The following NCBP1 variants were observed in gnomAD, a reference collection of about 807,000 sequenced individuals.
NCBP1 encodes nuclear cap binding protein subunit 1.
In NCBP1, 16 loss-of-function variants were observed where a neutral mutation model predicts 111.7. That is an observed-to-expected ratio of 0.14 (90% CI 0.10 to 0.22). NCBP1 has a LOEUF of 0.22. Among genes scored for constraint, NCBP1 ranks in the 10% least tolerant of loss-of-function variants. The probability of loss-of-function intolerance (pLI) is 1.00; values close to 1 mark genes in which losing one functional copy is unlikely to be tolerated. For missense variants in NCBP1, 607 were observed against 957.5 expected, an observed-to-expected ratio of 0.63 and a Z score of 4.83; for synonymous variants, 304 against 314.3, an observed-to-expected ratio of 0.97 and a Z score of 0.35.
intron 1 of NCBP1, among the ~76,000 whole-genome samples, chr9:97,637,812 C>T (rs1827090704): frequency 6.6e-6 from 1 of 152,002 alleles, no homozygotes; most frequent in Non-Finnish European, 1.5e-5. Context: ...TTTTGTGGGT[C>T]TAAAATTTCT....
In NCBP1 at chr9:97,645,215, T is replaced by C; in HGVS notation, c.480T>C (p.Asp160=). Residue 160 remains aspartate, a synonymous_variant, in exon 5 of 23, where the codon GAT becomes GAC. Coordinates refer to ENST00000375147, the MANE Select transcript of NCBP1 (RefSeq NM_002486.5). ...TTGTAAGCGTAACTCAGGAAGAAGATGTACCTCAGGTAAGAGAACCCCTCA... is the reference window on the plus strand; with the variant it reads ...TTGTAAGCGTAACTCAGGAAGAAGACGTACCTCAGGTAAGAGAACCCCTCA... The part of the protein sequence containing the change: ...ENFVSVTQEE[D]VPQVRRDWYV... The C allele has an allele frequency of 6.2e-7, 1 of 1,611,264 alleles. No individual in the cohort carries two copies. Among genetic ancestry groups the C allele is most frequent in the Non-Finnish European group, 8.5e-7 (1 of 1,177,626 alleles).
intron 1 of NCBP1, among the ~76,000 whole-genome samples, chr9:97,637,818 T>C (rs1320129955): frequency 6.6e-6 from 1 of 152,208 alleles, no homozygotes. Context: ...GGGTCTAAAA[T>C]TTCTTGTAAG....
intron 5 of NCBP1, 61 bp from the exon 6 acceptor site, chr9:97,645,544 AATAAAT>A (rs1827310299): frequency 1.3e-6 from 2 of 1,485,818 alleles, no homozygotes; most frequent in East Asian, 4.9e-5. Flanking sequence ...TTCATTCAAG[AATAAAT>A]AAAATATGAA....
intron 4 of NCBP1, among the ~76,000 whole-genome samples, chr9:97,644,098 C>T (rs1827270928): frequency 6.6e-6 from 1 of 152,170 alleles, no homozygotes; most frequent in Non-Finnish European, 1.5e-5. Flanking sequence ...TTAAACCTTA[C>T]TAATAATACA....
chr9:97,649,122 G>A (rs1422902890), intron 8 of NCBP1, among the ~76,000 whole-genome samples: 2 of 152,162 alleles, frequency 1.3e-5, no homozygotes, highest in African/African-American at 4.8e-5. Flanking sequence ...GAAAACAAAT[G>A]TTGGAAGTAT....
chr9:97,646,123 T>C (rs1318185657), intron 6 of NCBP1, among the ~76,000 whole-genome samples: 4 of 152,210 alleles, frequency 2.6e-5, no homozygotes, highest in Admixed American at 2.0e-4. Context: ...ATCTGTATTA[T>C]TAACACATTT....
Position 97,639,110 on chromosome 9 carries a change from A to T in NCBP1, c.35-1684A>T, listed in dbSNP as rs557587444. Among the ~76,000 whole-genome samples the T allele has an allele frequency of 5.9e-5, 9 of 152,284 alleles. No homozygotes were observed. In the East Asian group the frequency reaches 1.2e-3, roughly 20 times the overall value. On this transcript the variant is annotated intron_variant, in intron 1 of 22. Transcript: ENST00000375147. ...GTGCCACACATGTCTACAACTTTAC[A>T]CAGGCAGATATCTCCAGGAATAAAT...
chr9:97,647,163 T>C (rs1827366030), intron 6 of NCBP1, among the ~76,000 whole-genome samples: 1 of 152,218 alleles, frequency 6.6e-6, no homozygotes, highest in South Asian at 2.1e-4. Context: ...TGTGCAAATA[T>C]ATTTATGGGG....
intron 10 of NCBP1, among the ~76,000 whole-genome samples, chr9:97,652,641 T>C (rs1435798931): frequency 6.6e-6 from 1 of 152,126 alleles, no homozygotes; most frequent in African/African-American, 2.4e-5. Context: ...ATAGTGTTCA[T>C]GAAAGAGACA....
intron 12 of NCBP1, 38 bp downstream of exon 12, chr9:97,654,982 CT>C: frequency 6.9e-7 from 1 of 1,450,420 alleles, no homozygotes; most frequent in Non-Finnish European, 9.3e-7. Context: ...GAGTTAGCAG[CT>C]TTTACTTCCT....
chr9:97,670,944 G>T (rs555493592), intron 22 of NCBP1, 142 bp from the exon 23 acceptor site: 3 of 485,856 alleles, frequency 6.2e-6, no homozygotes, highest in Non-Finnish European at 1.1e-5. Flanking sequence ...ATTTTCAGGG[G>T]TCCATTGTTC....
intron 22 of NCBP1, chr9:97,669,978 A>G: frequency 2.2e-6 from 1 of 457,662 alleles, no homozygotes. Context: ...GCTGGAGTTC[A>G]GTGACACGAT....
Position 97,645,614 on chromosome 9 carries a change from C to T in NCBP1, c.493C>T (p.Arg165Ter), listed in dbSNP as rs1827311293. 1.2e-6 allele frequency: 2 copies of T among 1,612,556 alleles called. No individual in the cohort carries two copies. The highest frequency in any genetic ancestry group is 1.7e-6 in the Non-Finnish European group (2 of 1,178,998). Residue 165 changes from arginine (R) to a stop codon, truncating the protein, a stop_gained, in exon 6 of 23, where the codon CGA becomes TGA. Coordinates refer to ENST00000375147, the MANE Select transcript of NCBP1 (RefSeq NM_002486.5). LOFTEE classifies it high-confidence loss of function. Reference sequence around the variant, plus strand: ...TAACTTTTTAAAAATCCTTTAGGTGCGACGAGATTGGTATGTGTATGCATT... The same window carrying T: ...TAACTTTTTAAAAATCCTTTAGGTGTGACGAGATTGGTATGTGTATGCATT... The part of the protein sequence containing the change: ...VTQEEDVPQV[R>*]RDWYVYAFLS...
chr9:97,666,637 G>T, intron 19 of NCBP1, 126 bp from the exon 20 acceptor site: 1 of 580,962 alleles, frequency 1.7e-6, no homozygotes. Flanking sequence ...GGAGAAAGAT[G>T]ACTAATTCAG....
intron 9 of NCBP1, 58 bp from the exon 10 acceptor site, chr9:97,651,252 T>A: frequency 7.0e-7 from 1 of 1,433,768 alleles, no homozygotes; most frequent in Non-Finnish European, 9.6e-7. Flanking sequence ...TGAAACTGCT[T>A]ATTTGACTTT....
intron 20 of NCBP1, among the ~76,000 whole-genome samples, chr9:97,668,328 G>C (rs1235098625): frequency 6.6e-6 from 1 of 152,174 alleles, no homozygotes; most frequent in Non-Finnish European, 1.5e-5. Flanking sequence ...AGAGTGAGCT[G>C]GGGGCAGGGA....
intron 14 of NCBP1, among the ~76,000 whole-genome samples, chr9:97,656,408 C>T (rs1325145352): frequency 6.6e-6 from 1 of 152,168 alleles, no homozygotes; most frequent in Admixed American, 6.5e-5. Flanking sequence ...TGGGGAAACC[C>T]CCTCTCTACT....
intron 22 of NCBP1, among the ~76,000 whole-genome samples, 153 bp from the exon 23 acceptor site, chr9:97,670,933 G>T (rs1424273183): frequency 6.6e-6 from 1 of 152,004 alleles, no homozygotes; most frequent in Non-Finnish European, 1.5e-5. Flanking sequence ...TAATGTTGGG[G>T]ATTTTCAGGG....
intron 15 of NCBP1, among the ~76,000 whole-genome samples, chr9:97,659,094 T>C (rs773919126): frequency 2.6e-5 from 4 of 152,258 alleles, no homozygotes; most frequent in Admixed American, 6.5e-5. Context: ...ATTGAGAACA[T>C]AGATGCACAT....
Sources: gnomAD v4.1 joint callset for allele counts (sites outside exome capture counted in the v4.1 genomes callset) on GRCh38, gnomAD v4.1.1 for gene constraint, MANE v1.5 for transcripts, NCBI Gene and HGNC (gene_info 2026-07-23, HGNC 2026-07-21) for gene names.